The following ZBTB20 variants were observed in gnomAD, a reference collection of about 807,000 sequenced individuals.
ZBTB20 encodes zinc finger and BTB domain-containing protein 20.
Under a neutral mutation model 56.9 loss-of-function variants are expected in ZBTB20, and 9 were observed. That is an observed-to-expected ratio of 0.16 (90% CI 0.10 to 0.28). ZBTB20 has a LOEUF of 0.28. Ranked by LOEUF, ZBTB20 falls within the 10% of genes least tolerant of loss-of-function variation. ZBTB20 has a pLI of 1.00. For missense variants in ZBTB20, 655 were observed against 1,003.0 expected (o/e 0.65, Z 4.69); for synonymous variants, 417 against 420.7 (o/e 0.99, Z 0.11).
At chr3:114,797,795 C>A (rs138632174) in intron 5 of ZBTB20, among the ~76,000 whole-genome samples, 65 of 151,978 alleles carry the variant, frequency 4.3e-4, no homozygotes, top group African/African-American at 1.5e-3. Context: ...AAGGGCAGAA[C>A]TATTGTCTCT....
chr3:115,004,146 GATCTGCTCGTGGTTTCA>G (rs1424295580), intron 2 of ZBTB20, among the ~76,000 whole-genome samples: 1 of 151,626 alleles, frequency 6.6e-6, no homozygotes, highest in Non-Finnish European at 1.5e-5. Context: ...GATTTCAATA[GATCTGCTCGTGGTTTCA>G]ATCTCTAGTT....
At chr3:114,621,570 A>T (rs1406419247) in intron 6 of ZBTB20, among the ~76,000 whole-genome samples, 3 of 152,176 alleles carry the variant, frequency 2.0e-5, no homozygotes, top group Admixed American at 2.0e-4. Context: ...AAGAAAGAAC[A>T]ATTTCTTATT....
chr3:115,098,933 T>C (rs978586457), intron 1 of ZBTB20, among the ~76,000 whole-genome samples: 1 of 152,236 alleles, frequency 6.6e-6, no homozygotes, highest in Admixed American at 6.5e-5. Flanking sequence ...GCATCCATTT[T>C]CTAACATTGC....
chr3:114,700,741 T>C (rs375719083), intron 5 of ZBTB20, among the ~76,000 whole-genome samples: 9 of 152,246 alleles, frequency 5.9e-5, no homozygotes, highest in Admixed American at 3.9e-4. Flanking sequence ...GAAAAAGAAC[T>C]CTGAGGAGGT....
chr3:114,748,279 C>CTTCT (rs147900859), intron 5 of ZBTB20, among the ~76,000 whole-genome samples: 13,628 of 104,334 alleles, frequency 0.13, 1,226 homozygotes, highest in African/African-American at 0.15. Flanking sequence ...TTTGTTGTAG[C>CTTCT]TTCTTTCTTT....
chr3:115,046,592 A>G (rs2081341860), intron 2 of ZBTB20, among the ~76,000 whole-genome samples: 1 of 152,194 alleles, frequency 6.6e-6, no homozygotes, highest in Non-Finnish European at 1.5e-5. Flanking sequence ...GTATGACTTA[A>G]TAAGACTACT....
At chr3:114,892,735 C>T (rs994934282) in intron 4 of ZBTB20, among the ~76,000 whole-genome samples, 1 of 152,074 alleles carries the variant, frequency 6.6e-6, no homozygotes, top group Non-Finnish European at 1.5e-5. Flanking sequence ...TTACATCTGC[C>T]TGAATAGTCC....
chr3:114,438,217 G>A (rs775871052), intron 7 of ZBTB20, among the ~76,000 whole-genome samples: 12 of 152,082 alleles, frequency 7.9e-5, no homozygotes, highest in Non-Finnish European at 1.5e-4. Flanking sequence ...CCAGAGCTGA[G>A]AGATCAGCTT....
At chr3:114,934,931 G>A (rs528492838) in intron 3 of ZBTB20, among the ~76,000 whole-genome samples, 3 of 152,202 alleles carry the variant, frequency 2.0e-5, no homozygotes, top group South Asian at 4.1e-4. Context: ...CTCACAGTGA[G>A]CTTATTTAAT....
intron 8 of ZBTB20, chr3:114,383,540 C>T (rs2084660803): frequency 6.6e-6 from 1 of 152,196 alleles, no homozygotes; most frequent in South Asian, 2.1e-4. Context: ...ATTGGAGCTA[C>T]CTCTATAAAC....
At chr3:114,354,840 A>G (rs549546689) in intron 10 of ZBTB20, among the ~76,000 whole-genome samples, 1 of 152,234 alleles carries the variant, frequency 6.6e-6, no homozygotes, top group South Asian at 2.1e-4. Flanking sequence ...TCGGCCTCCC[A>G]AAGTGCTGGG....
intron 6 of ZBTB20, among the ~76,000 whole-genome samples, chr3:114,510,061 G>A (rs1296871724): frequency 9.9e-5 from 15 of 152,116 alleles, no homozygotes; most frequent in Admixed American, 9.2e-4. Context: ...ACACAATTAC[G>A]AAAATATAAA....
At chr3:114,915,195 G>C (rs1553858494) in intron 3 of ZBTB20, among the ~76,000 whole-genome samples, 1 of 151,812 alleles carries the variant, frequency 6.6e-6, no homozygotes, top group Non-Finnish European at 1.5e-5. Flanking sequence ...AAAGCGATCA[G>C]GTCCCAGGGT....
chr3:114,856,080 A>C (rs557889995), intron 4 of ZBTB20, among the ~76,000 whole-genome samples: 2 of 152,174 alleles, frequency 1.3e-5, no homozygotes, highest in Non-Finnish European at 2.9e-5. Context: ...GTATTAGACA[A>C]GTGGCTTAAC....
intron 6 of ZBTB20, among the ~76,000 whole-genome samples, chr3:114,568,708 TAGAG>T (rs888785521): frequency 2.6e-5 from 4 of 152,196 alleles, no homozygotes; most frequent in African/African-American, 9.7e-5. Context: ...AGTTATTACT[TAGAG>T]AGTATAAATA....
chr3:114,472,535 C>A (rs1263453253), intron 7 of ZBTB20, among the ~76,000 whole-genome samples: 1 of 152,098 alleles, frequency 6.6e-6, no homozygotes, highest in African/African-American at 2.4e-5. Flanking sequence ...CTTGGTGAAA[C>A]CCCGTCTTTA....
intron 7 of ZBTB20, among the ~76,000 whole-genome samples, chr3:114,416,726 G>A (rs1181872089): frequency 1.3e-5 from 2 of 151,954 alleles, no homozygotes; most frequent in African/African-American, 4.8e-5. Context: ...CTTTTCAGGG[G>A]GTTATAACTC....
At chr3:115,095,584 CAAAA>C (rs940989746) in intron 1 of ZBTB20, among the ~76,000 whole-genome samples, 1 of 151,586 alleles carries the variant, frequency 6.6e-6, no homozygotes, top group Non-Finnish European at 1.5e-5. Flanking sequence ...AAAAACAAAA[CAAAA>C]AAAAGCCCTT....
intron 1 of ZBTB20, among the ~76,000 whole-genome samples, chr3:115,113,771 C>T (rs953370477): frequency 1.3e-5 from 2 of 152,170 alleles, no homozygotes; most frequent in African/African-American, 4.8e-5. Context: ...GTGGAAGCAG[C>T]AGCAGCAGCG....
Sources: gnomAD v4.1 joint callset for allele counts (sites outside exome capture counted in the v4.1 genomes callset) on GRCh38, gnomAD v4.1.1 for gene constraint, MANE v1.5 for transcripts, NCBI Gene and HGNC (gene_info 2026-07-23, HGNC 2026-07-21) for gene names.